AKAP13: variants seen among roughly 807,000 people sequenced by gnomAD.
AKAP13 encodes the protein A-kinase anchoring protein 13, also known as A-kinase anchor protein 13.
In AKAP13, 80 loss-of-function variants were observed where a neutral mutation model predicts 264.5. That is an observed-to-expected ratio of 0.30 (90% CI 0.25 to 0.36). The LOEUF (loss-of-function observed/expected upper bound fraction) is 0.36. Ranked by LOEUF, AKAP13 falls within the 10% of genes least tolerant of loss-of-function variation. AKAP13 has a pLI of 1.00. For synonymous variants in AKAP13, 1,380 were observed against 1,250.2 expected, an observed-to-expected ratio of 1.10 and a Z score of -2.19; for missense variants, 3,712 against 3,435.2, an observed-to-expected ratio of 1.08 and a Z score of -2.01.
At chr15:85,675,578 C>T (rs533280878) in intron 14 of AKAP13, among the ~76,000 whole-genome samples, 94 of 152,266 alleles carry the variant, frequency 6.2e-4, no homozygotes, top group Non-Finnish European at 1.2e-3. Context: ...GGTGAACTCA[C>T]AGGTAGGGTT....
In AKAP13 at chr15:85,722,127, G is replaced by A. The variant is rs1473182679; in HGVS notation, c.6378+11G>A. On this transcript the variant is annotated intron_variant, in intron 24 of 36. Coordinates refer to ENST00000394518, the MANE Select transcript of AKAP13 (RefSeq NM_007200.5). ...CAAGCCTTTGTAAAGGTATTGATAAGAAACATGAAAATCCCCGTTATTGTT... is the reference window on the plus strand; with the variant it reads ...CAAGCCTTTGTAAAGGTATTGATAAAAAACATGAAAATCCCCGTTATTGTT... 11 of 1,613,150 alleles carry A rather than the reference G, an allele frequency of 6.8e-6. No individual in the cohort carries two copies. The highest frequency in any genetic ancestry group is 8.5e-7 in the Non-Finnish European group (1 of 1,179,636).
rs568236257 is a variant in AKAP13 at position 85,529,735 on chromosome 15, G to A, written c.182-3849G>A. ...AACTGGTGTGGTTGATTTCCGGACAGTAGGGTGAGGTACTTTATTCTTGAT... is the reference window on the plus strand; with the variant it reads ...AACTGGTGTGGTTGATTTCCGGACAATAGGGTGAGGTACTTTATTCTTGAT... On this transcript the variant is annotated intron_variant, in intron 3 of 36. Coordinates refer to ENST00000394518, the MANE Select transcript of AKAP13 (RefSeq NM_007200.5). Among the ~76,000 whole-genome samples the A allele has an allele frequency of 3.9e-4, 59 of 152,328 alleles. No individual in the cohort carries two copies. The South Asian group carries it at 0.012, about 32-fold the overall frequency.
intron 1 of AKAP13, among the ~76,000 whole-genome samples, chr15:85,425,096 C>T (rs1176491494): frequency 6.6e-6 from 1 of 152,074 alleles, no homozygotes; most frequent in Non-Finnish European, 1.5e-5. Context: ...ATTACCAAAA[C>T]GTGACACAGA....
intron 2 of AKAP13, among the ~76,000 whole-genome samples, chr15:85,488,028 G>A (rs1477412221): frequency 1.3e-5 from 2 of 152,226 alleles, no homozygotes; most frequent in African/African-American, 2.4e-5. Context: ...CTCCTGAGTA[G>A]CTGGAACCAC....
At position 85,697,524 on chromosome 15, in the gene AKAP13, G is replaced by A. The variant is rs534736037; in HGVS notation, c.5464+4073G>A. On this transcript the variant is annotated intron_variant, in intron 17 of 36. Transcript: ENST00000394518. Reference sequence around the variant, plus strand: ...GCGGAGGTTGCAGTGAGCTGAGGTCGCGCCACTGCACTCCAGTCTGGGTGA... The same window carrying A: ...GCGGAGGTTGCAGTGAGCTGAGGTCACGCCACTGCACTCCAGTCTGGGTGA... 3.9e-5 allele frequency among the ~76,000 whole-genome samples: 6 copies of A among 152,226 alleles called. No homozygotes were observed. The East Asian group carries it at 5.8e-4, about 15-fold the overall frequency.
chr15:85,508,687 G>A (rs899757450), intron 2 of AKAP13, among the ~76,000 whole-genome samples: 2 of 151,830 alleles, frequency 1.3e-5, no homozygotes, highest in South Asian at 2.1e-4. Flanking sequence ...CAATGGTTTA[G>A]CATCACACTA....
intron 8 of AKAP13, among the ~76,000 whole-genome samples, chr15:85,615,158 T>A (rs1050063304): frequency 6.6e-6 from 1 of 152,270 alleles, no homozygotes; most frequent in Non-Finnish European, 1.5e-5. Flanking sequence ...GTTGTTATTT[T>A]AATTGTTGCT....
intron 1 of AKAP13, among the ~76,000 whole-genome samples, chr15:85,391,883 C>G (rs996502634): frequency 1.2e-4 from 18 of 152,068 alleles, no homozygotes; most frequent in Non-Finnish European, 2.4e-4. Context: ...CTCCCAGGTT[C>G]AAGCAATTCT....
At chr15:85,489,878 C>G (rs2075675247) in intron 2 of AKAP13, among the ~76,000 whole-genome samples, 1 of 152,194 alleles carries the variant, frequency 6.6e-6, no homozygotes, top group African/African-American at 2.4e-5. Flanking sequence ...ATGAAATGTT[C>G]ACCATAAAAT....
At chr15:85,432,249 A>G (rs1476995619) in intron 1 of AKAP13, among the ~76,000 whole-genome samples, 2 of 152,154 alleles carry the variant, frequency 1.3e-5, no homozygotes, top group African/African-American at 4.8e-5. Context: ...TTTATCTTCT[A>G]TAAAAATGTA....
chr15:85,667,325 GC>G (rs1309959734), intron 13 of AKAP13, among the ~76,000 whole-genome samples: 2 of 152,052 alleles, frequency 1.3e-5, no homozygotes, highest in African/African-American at 4.8e-5. Flanking sequence ...AGTGAATTTT[GC>G]CCCTTTTAAA....
chr15:85,715,976 T>TATGTGATG, intron 20 of AKAP13, 53 bp downstream of exon 20: 3 of 1,546,700 alleles, frequency 1.9e-6, no homozygotes, highest in Non-Finnish European at 2.6e-6. Flanking sequence ...GACCAGAGCA[T>TATGTGATG]AATAATCACA....
intron 2 of AKAP13, among the ~76,000 whole-genome samples, chr15:85,512,062 G>A (rs894297144): frequency 4.9e-5 from 7 of 142,406 alleles, no homozygotes. Context: ...TTTTTTCTTC[G>A]TCGCCTACAC....
At chr15:85,428,715 T>C (rs981383299) in intron 1 of AKAP13, among the ~76,000 whole-genome samples, 15 of 152,246 alleles carry the variant, frequency 9.9e-5, no homozygotes, top group African/African-American at 3.6e-4. Flanking sequence ...TTTCTGGTGA[T>C]CTTGCATATC....
At chr15:85,505,110 T>A (rs377526937) in intron 2 of AKAP13, among the ~76,000 whole-genome samples, 1 of 152,386 alleles carries the variant, frequency 6.6e-6, no homozygotes, top group East Asian at 1.9e-4. Flanking sequence ...TTCAACACTC[T>A]CTTCCTTTTA....
chr15:85,663,556 C>T (rs2083454775), intron 12 of AKAP13, among the ~76,000 whole-genome samples: 1 of 152,154 alleles, frequency 6.6e-6, no homozygotes, highest in African/African-American at 2.4e-5. Flanking sequence ...GAGCAATTTT[C>T]TGTACAGTTT....
chr15:85,741,625 C>T (rs545303321), intron 35 of AKAP13, 130 bp downstream of exon 35: 2 of 1,381,124 alleles, frequency 1.4e-6, no homozygotes, highest in East Asian at 2.7e-5. Context: ...CCTGTGATCC[C>T]AGCACTTTAG....
At chr15:85,391,158 T>C (rs1033866462) in intron 1 of AKAP13, among the ~76,000 whole-genome samples, 4 of 152,164 alleles carry the variant, frequency 2.6e-5, no homozygotes, top group African/African-American at 7.2e-5. Flanking sequence ...AGGCTAGATA[T>C]GAATGAAGGA....
Position 85,424,524 on chromosome 15 carries a change from C to T in AKAP13, c.-12+43726C>T, listed in dbSNP as rs139831945. Among the ~76,000 whole-genome samples the T allele has an allele frequency of 5.3e-5, 8 of 152,330 alleles. No homozygotes were observed. In the East Asian group the frequency reaches 1.3e-3, roughly 26 times the overall value. ...TGGATTGGCCTTTGGTTTAAGGGAA[C>T]GTTGTGGCTGGCTTGATCTTCTATC... On this transcript the variant is annotated intron_variant, in intron 1 of 36. Coordinates refer to ENST00000394518, the MANE Select transcript of AKAP13 (RefSeq NM_007200.5).
Sources: gnomAD v4.1 joint callset for allele counts (sites outside exome capture counted in the v4.1 genomes callset) on GRCh38, gnomAD v4.1.1 for gene constraint, MANE v1.5 for transcripts, NCBI Gene and HGNC (gene_info 2026-07-23, HGNC 2026-07-21) for gene names.